The following COL17A1 variants were observed in gnomAD, a reference collection of about 807,000 sequenced individuals.
The protein encoded by COL17A1 is collagen type XVII alpha 1 chain, also known as collagen alpha-1(XVII) chain.
A neutral mutation model predicts 218.4 loss-of-function variants in COL17A1; 181 were observed. The observed-to-expected ratio is 0.83, with a 90% CI of 0.73 to 0.94. The LOEUF (loss-of-function observed/expected upper bound fraction) is 0.94. COL17A1 is among the 40% of genes least tolerant of loss of function. The pLI, the probability that COL17A1 is intolerant of heterozygous loss-of-function variation, is 0.00. For synonymous variants in COL17A1, 721 were observed against 731.0 expected (o/e 0.99, Z 0.22); for missense variants, 1,924 against 1,945.9 (o/e 0.99, Z 0.21).
At chr10:104,051,663 G>T in intron 24 of COL17A1, 147 bp from the exon 25 acceptor site, 1 of 964,272 alleles carries the variant, frequency 1.0e-6, no homozygotes, top group Non-Finnish European at 1.6e-6. Flanking sequence ...TGACCCCAGT[G>T]CATGTCCTCC....
At chr10:104,046,685 G>A (rs1210712129) in intron 32 of COL17A1, 62 bp downstream of exon 32, 2 of 1,550,490 alleles carry the variant, frequency 1.3e-6, no homozygotes, top group Non-Finnish European at 1.8e-6. Flanking sequence ...AAAAGCCCTG[G>A]CCCAAGCAGT....
In COL17A1 at chr10:104,032,253, ACTT is replaced by A. The variant is rs756881229; in HGVS notation, c.4473_4475del (p.Arg1491del). On this transcript the variant is annotated inframe_deletion, in exon 56 of 56. Transcript: ENST00000648076. ...GGCTAGCTCACGGCTTGACAGCAAT[ACTT>A]CTTCTCCTTCTCCGCCCAGCATAGA... 2.8e-5 allele frequency: 45 copies of A among 1,614,050 alleles called. No homozygotes were observed. The highest frequency in any genetic ancestry group is 2.5e-4 in the Admixed American group (15 of 60,024).
intron 25 of COL17A1, 72 bp downstream of exon 25, chr10:104,051,409 T>C: frequency 6.4e-7 from 1 of 1,570,126 alleles, no homozygotes; most frequent in Non-Finnish European, 8.7e-7. Flanking sequence ...TTTAAAAATA[T>C]TTGGTTTTCC....
rs1564676391 is a variant in COL17A1 at position 104,048,124 on chromosome 10, GTC to G, written c.2228-22_2228-21del. The G allele has an allele frequency of 6.2e-7, 1 of 1,614,048 alleles. No homozygotes were observed. The highest frequency in any genetic ancestry group is 1.1e-5 in the South Asian group (1 of 91,088). ...CAGGACCTGGTAAAGTAGAAGCAAG[GTC>G]TCTCAGTTGCTCCTGGAGTGATTTC... On this transcript the variant is annotated intron_variant, in intron 29 of 55. Coordinates refer to ENST00000648076, the MANE Select transcript of COL17A1 (RefSeq NM_000494.4).
At position 104,034,146 on chromosome 10, in the gene COL17A1, C is replaced by T. The variant is rs777099411; in HGVS notation, c.3955G>A (p.Gly1319Ser). ...SSMSTGGGGA[G>S]SLGAGGAFGE... ...AAGGCACCGCCTGCACCCAGGGAGC[C>T]TGCACCACCTCCTCCTGTGCTCATG... Residue 1319 changes from glycine (G) to serine (S), a missense_variant, in exon 52 of 56, where the codon GGC becomes AGC. Physicochemically the swap from Gly to Ser is moderately conservative, Grantham distance 56. Coordinates refer to ENST00000648076, the MANE Select transcript of COL17A1 (RefSeq NM_000494.4). The T allele has an allele frequency of 2.9e-5, 46 of 1,613,940 alleles. No homozygotes were observed. The East Asian group carries it at 8.9e-4, about 31-fold the overall frequency.
chr10:104,078,886 C>G (rs1303504697), intron 2 of COL17A1, among the ~76,000 whole-genome samples: 2 of 152,180 alleles, frequency 1.3e-5, no homozygotes, highest in Non-Finnish European at 2.9e-5. Flanking sequence ...CAATTAGATC[C>G]AGTCCAGGCC....
intron 4 of COL17A1, among the ~76,000 whole-genome samples, chr10:104,077,027 A>T (rs548604307): frequency 3.6e-4 from 55 of 152,310 alleles, no homozygotes; most frequent in Non-Finnish European, 6.9e-4. Flanking sequence ...TTCGTTGTTA[A>T]TTCAAATTGT....
intron 9 of COL17A1, among the ~76,000 whole-genome samples, chr10:104,065,815 AGG>A (rs2086621473): frequency 6.6e-6 from 1 of 152,234 alleles, no homozygotes. Context: ...AAAGCCTGAA[AGG>A]CCTGCCAAGG....
rs2086384579 is a variant in COL17A1, at chr10:104,043,811, T to C, written c.2434+14A>G. On this transcript the variant is annotated intron_variant, in intron 34 of 55. Coordinates refer to ENST00000648076, the MANE Select transcript of COL17A1 (RefSeq NM_000494.4). ...AAAGACACAGAAAGGAGGGTCCCTC[T>C]AGGACCTGCCTACCCGAAGTCACGA... The C allele has an allele frequency of 6.2e-7, 1 of 1,613,830 alleles. No homozygotes were observed. The highest frequency in any genetic ancestry group is 8.5e-7 in the Non-Finnish European group (1 of 1,179,752).
intron 28 of COL17A1, 43 bp from the exon 29 acceptor site, chr10:104,049,514 G>T: frequency 6.3e-7 from 1 of 1,596,718 alleles, no homozygotes. Context: ...CTTGCAAGCT[G>T]TGTATGCTTT....
At position 104,042,437 on chromosome 10, in the gene COL17A1, C is replaced by G. The variant is rs760546267; in HGVS notation, c.2534G>C (p.Gly845Ala). The change falls in exon 36 of 56, where the codon GGT becomes GCT. Residue 845 changes from glycine to alanine, a missense_variant. Gly to Ala is a moderately conservative substitution (Grantham distance 60). Coordinates refer to ENST00000648076, the MANE Select transcript of COL17A1 (RefSeq NM_000494.4). ...PGAPGPAGPA[G>A]LPGHQEVLNL... ...TGACATACCTTGATGTCCTGGGAGACCAGCTGGGCCGGCAGGGCCTGGAAA... is the reference window on the plus strand; with the variant it reads ...TGACATACCTTGATGTCCTGGGAGAGCAGCTGGGCCGGCAGGGCCTGGAAA... The G allele has an allele frequency of 1.2e-6, 2 of 1,614,132 alleles. No homozygotes were observed. Among genetic ancestry groups the G allele is most frequent in the Middle Eastern group, 1.7e-4 (1 of 6,060 alleles).
intron 29 of COL17A1, among the ~76,000 whole-genome samples, chr10:104,048,980 C>T (rs1056909665): frequency 2.6e-5 from 4 of 152,148 alleles, no homozygotes; most frequent in African/African-American, 7.2e-5. Context: ...TGAATCACTG[C>T]ACCTGGCTAC....
chr10:104,062,183 C>G (rs2086588573), intron 12 of COL17A1, 75 bp downstream of exon 12: 4 of 1,610,464 alleles, frequency 2.5e-6, no homozygotes, highest in Non-Finnish European at 3.4e-6. Context: ...CATTTTGGGT[C>G]TCCTAATTCA....
At chr10:104,077,738 T>C (rs2134659178) in intron 3 of COL17A1, among the ~76,000 whole-genome samples, 1 of 151,734 alleles carries the variant, frequency 6.6e-6, no homozygotes, top group East Asian at 1.9e-4. Context: ...TGTTTTGTTT[T>C]ATACAAATAT....
At position 104,039,051 on chromosome 10, in the gene COL17A1, T is replaced by G; in HGVS notation, c.2947+20A>C. ...CACCAGAAGAAGTGGAGAGGAACTT[T>G]GGTCACTTTCAGTTCTTACCTTCAG... On this transcript the variant is annotated intron_variant, in intron 44 of 55. Coordinates refer to ENST00000648076, the MANE Select transcript of COL17A1 (RefSeq NM_000494.4). 1 of 1,613,192 alleles carries G rather than the reference T, an allele frequency of 6.2e-7. No homozygotes were observed. The highest frequency in any genetic ancestry group is 8.5e-7 in the Non-Finnish European group (1 of 1,179,130).
In COL17A1 at chr10:104,050,915, G is replaced by A; in HGVS notation, c.2039-14C>T. 1 of 1,614,174 alleles carries A rather than the reference G, an allele frequency of 6.2e-7. No individual in the cohort carries two copies. Among genetic ancestry groups the A allele is most frequent in the Non-Finnish European group, 8.5e-7 (1 of 1,180,048 alleles). ...GACCTACAGGACCTGCCCGGCAGAA[G>A]AAACCATGCACACAGATGAGTATCC... On this transcript the variant is annotated splice_polypyrimidine_tract_variant and intron_variant, in intron 25 of 55. Transcript: ENST00000648076.
At chr10:104,040,938 A>T (rs1215576363) in intron 39 of COL17A1, 127 bp downstream of exon 39, 1 of 1,034,430 alleles carries the variant, frequency 9.7e-7, no homozygotes, top group Non-Finnish European at 1.5e-6. Context: ...TTATATAAAC[A>T]TATCCCCATG....
intron 29 of COL17A1, 31 bp downstream of exon 29, chr10:104,049,378 C>A (rs369218702): frequency 6.2e-7 from 1 of 1,610,196 alleles, no homozygotes; most frequent in Non-Finnish European, 8.5e-7. Context: ...AGATGGGGAA[C>A]TCACTGAATC....
rs2134635412 is a variant in COL17A1 at position 104,064,588 on chromosome 10, T to C, written c.616A>G (p.Thr206Ala). The C allele has an allele frequency of 6.2e-7, 1 of 1,612,852 alleles. No homozygotes were observed. The highest frequency in any genetic ancestry group is 8.5e-7 in the Non-Finnish European group (1 of 1,179,444). ...VTASSQSVSG[T>A]YDATILDANL... ...GCATCCAGGATCGTTGCATCGTAGGTGCCTGACACTGGAAACAGACACATG... is the reference window on the plus strand; with the variant it reads ...GCATCCAGGATCGTTGCATCGTAGGCGCCTGACACTGGAAACAGACACATG... Residue 206 changes from threonine (T) to alanine (A), a missense_variant, in exon 10 of 56, where the codon ACC becomes GCC. Coordinates refer to ENST00000648076, the MANE Select transcript of COL17A1 (RefSeq NM_000494.4).
Sources: allele counts gnomAD v4.1 joint callset (sites outside exome capture counted in the v4.1 genomes callset), GRCh38; gene constraint gnomAD v4.1.1; transcripts MANE v1.5; gene names NCBI Gene and HGNC (gene_info 2026-07-23, HGNC 2026-07-21).